Variants in WDPCP observed in about 807,000 individuals in gnomAD.
WDPCP encodes the protein WD repeat-containing and planar cell polarity effector protein fritz homolog.
In WDPCP, 71 loss-of-function variants were observed where a neutral mutation model predicts 93.1. That is an observed-to-expected ratio of 0.76 (90% CI 0.63 to 0.93). WDPCP has a LOEUF of 0.93. Ranked by LOEUF, WDPCP falls within the 40% of genes least tolerant of loss-of-function variation. The probability of loss-of-function intolerance (pLI) is 0.00; values close to 1 mark genes in which losing one functional copy is unlikely to be tolerated. For missense variants in WDPCP, 844 were observed against 887.4 expected (o/e 0.95, Z 0.62); for synonymous variants, 315 against 315.0 (o/e 1.00, Z 0.00).
chr2:63,210,837 C>A (rs1362064408), intron 14 of WDPCP, among the ~76,000 whole-genome samples: 1 of 152,236 alleles, frequency 6.6e-6, no homozygotes, highest in Admixed American at 6.5e-5. Context: ...AGGTCCCATG[C>A]CCACGGAGCC....
At chr2:63,783,746 G>C (rs1670430588) in intron 2 of WDPCP, among the ~76,000 whole-genome samples, 1 of 152,158 alleles carries the variant, frequency 6.6e-6, no homozygotes, top group African/African-American at 2.4e-5. Context: ...AGTGTGGAAT[G>C]ACAGACATTG....
intron 13 of WDPCP, among the ~76,000 whole-genome samples, chr2:63,267,389 TGAG>T (rs1682226890): frequency 6.6e-6 from 1 of 152,184 alleles, no homozygotes; most frequent in African/African-American, 2.4e-5. Context: ...ACTTGAAACT[TGAG>T]GAGGAGGGAA....
chr2:63,513,988 G>A (rs7576316), intron 1 of WDPCP, among the ~76,000 whole-genome samples: 119,079 of 152,020 alleles, frequency 0.78, 47,051 homozygotes, highest in East Asian at 0.98. Context: ...TAATGGGTGA[G>A]GAAAAGTATC....
At chr2:63,555,726 G>C (rs1706062287) in intron 1 of WDPCP, among the ~76,000 whole-genome samples, 1 of 152,120 alleles carries the variant, frequency 6.6e-6, no homozygotes, top group Non-Finnish European at 1.5e-5. Flanking sequence ...GTCTGGAGTG[G>C]ACCCCCAGCA....
Position 63,704,580 on chromosome 2 carries a change from G to GT in WDPCP, n.309-53743dup, listed in dbSNP as rs753510980. 7.7e-4 allele frequency among the ~76,000 whole-genome samples: 118 copies of GT among 152,270 alleles called. No individual in the cohort carries two copies. In the Middle Eastern group the frequency reaches 0.01, roughly 13 times the overall value. On this transcript the variant is annotated intron_variant and non_coding_transcript_variant, in intron 2 of 4. Coordinates refer to the WDPCP transcript ENST00000467687. ...TCATGTGGTTTTTGTCTTTGGTTCT[G>GT]TTTATATGCTGGATTACGTTTATTG...
intron 2 of WDPCP, among the ~76,000 whole-genome samples, chr2:63,702,421 C>A (rs947000077): frequency 1.3e-4 from 20 of 152,046 alleles, no homozygotes; most frequent in African/African-American, 4.6e-4. Context: ...TAGTATATAT[C>A]AATAAAAAGT....
At chr2:63,459,542 GA>G (rs1698865889) in intron 6 of WDPCP, among the ~76,000 whole-genome samples, 1 of 152,172 alleles carries the variant, frequency 6.6e-6, no homozygotes, top group Non-Finnish European at 1.5e-5. Flanking sequence ...TGGCAAGAAA[GA>G]AAAGGGAACT....
rs189429770 is a variant in WDPCP at position 63,241,007 on chromosome 2, A to C, written c.1915+18300T>G. Among the ~76,000 whole-genome samples the C allele has an allele frequency of 2.9e-3, 444 of 152,330 alleles. 3 individuals are homozygous for C. The highest frequency in any genetic ancestry group is 0.01 in the African/African-American group (423 of 41,582). On this transcript the variant is annotated intron_variant, in intron 14 of 17. Coordinates refer to ENST00000272321, the MANE Select transcript of WDPCP (RefSeq NM_015910.7). The stretch of plus-strand genomic sequence containing the variant: ...TATGGAAAGTTTCCATCTGAAAATA[A>C]CTAATTTAGAGAAAATCCATACTTA...
intron 12 of WDPCP, among the ~76,000 whole-genome samples, chr2:63,338,563 AAAAAAAATATATATATATATAT>A (rs1207129303): frequency 0.13 from 11,532 of 86,414 alleles, 1,645 homozygotes; most frequent in African/African-American, 0.24. Flanking sequence ...AAAAAAAAAA[AAAAAAAATATATATATATATAT>A]ATATATATAT....
chr2:63,649,944 T>C (rs967289327), intron 3 of WDPCP, among the ~76,000 whole-genome samples: 3 of 152,140 alleles, frequency 2.0e-5, no homozygotes, highest in African/African-American at 7.2e-5. Context: ...TTAAACCAAG[T>C]CTGACAGACA....
intron 14 of WDPCP, among the ~76,000 whole-genome samples, chr2:63,246,197 T>C (rs967247544): frequency 2.6e-5 from 4 of 152,166 alleles, no homozygotes; most frequent in Admixed American, 2.0e-4. Flanking sequence ...GGCAAAAGTT[T>C]GCATCCTTGC....
intron 10 of WDPCP, among the ~76,000 whole-genome samples, chr2:63,403,366 C>A (rs868531523): frequency 3.9e-5 from 6 of 152,110 alleles, no homozygotes; most frequent in Non-Finnish European, 7.4e-5. Context: ...GTACAGCAAA[C>A]CCCCGTGACA....
intron 3 of WDPCP, among the ~76,000 whole-genome samples, chr2:63,604,502 T>C (rs1361591195): frequency 6.6e-6 from 1 of 152,260 alleles, no homozygotes; most frequent in African/African-American, 2.4e-5. Flanking sequence ...AGTCCACAGT[T>C]GTTACCACTG....
chr2:63,231,969 G>A (rs35593723), intron 14 of WDPCP, among the ~76,000 whole-genome samples: 29 of 152,220 alleles, frequency 1.9e-4, no homozygotes, highest in Admixed American at 6.5e-4. Context: ...CATGGTACTG[G>A]TACCAAAACA....
chr2:63,773,589 A>G (rs1386891222), intron 2 of WDPCP, among the ~76,000 whole-genome samples: 1 of 152,096 alleles, frequency 6.6e-6, no homozygotes, highest in East Asian at 1.9e-4. Flanking sequence ...TTCTGTATAT[A>G]TTATACTTCA....
intron 14 of WDPCP, among the ~76,000 whole-genome samples, chr2:63,257,502 G>C (rs540113588): frequency 3.0e-4 from 46 of 152,212 alleles, no homozygotes; most frequent in Non-Finnish European, 6.0e-4. Context: ...CATGTAATAG[G>C]GCAACCTCTT....
intron 13 of WDPCP, among the ~76,000 whole-genome samples, chr2:63,264,068 T>G (rs1681882773): frequency 1.3e-5 from 2 of 152,116 alleles, no homozygotes; most frequent in Admixed American, 6.5e-5. Context: ...AAAAAAAAAA[T>G]TCCTCAAATT....
chr2:63,740,467 G>A (rs1428623699), intron 2 of WDPCP, among the ~76,000 whole-genome samples: 1 of 152,034 alleles, frequency 6.6e-6, no homozygotes, highest in Non-Finnish European at 1.5e-5. Context: ...AAGCAATCAA[G>A]GCATACATCT....
At chr2:63,649,797 A>C (rs1710088951) in intron 3 of WDPCP, among the ~76,000 whole-genome samples, 1 of 152,170 alleles carries the variant, frequency 6.6e-6, no homozygotes, top group African/African-American at 2.4e-5. Flanking sequence ...AGGGGTCTGG[A>C]GTAGAGCAGA....
Sources: gnomAD v4.1 joint callset for allele counts (sites outside exome capture counted in the v4.1 genomes callset) on GRCh38, gnomAD v4.1.1 for gene constraint, MANE v1.5 for transcripts, NCBI Gene and HGNC (gene_info 2026-07-23, HGNC 2026-07-21) for gene names.